Variants in ARHGAP24 observed in about 807,000 individuals in gnomAD.
ARHGAP24 encodes the protein rho GTPase-activating protein 24.
In ARHGAP24, 50 loss-of-function variants were observed where a neutral mutation model predicts 76.4. That is an observed-to-expected ratio of 0.65 (90% CI 0.52 to 0.83). The LOEUF is 0.83. ARHGAP24 is among the 40% of genes least tolerant of loss of function. The pLI, the probability that ARHGAP24 is intolerant of heterozygous loss-of-function variation, is 0.00. For missense variants in ARHGAP24, 930 were observed against 914.2 expected, an observed-to-expected ratio of 1.02 and a Z score of -0.22; for synonymous variants, 345 against 323.3, an observed-to-expected ratio of 1.07 and a Z score of -0.72.
intron 3 of ARHGAP24, among the ~76,000 whole-genome samples, chr4:85,861,707 T>A (rs1219702760): frequency 6.6e-6 from 1 of 152,088 alleles, no homozygotes. Context: ...ACTTTATTAT[T>A]TTCTTCCTTT....
chr4:85,849,906 ACT>A (rs1420635643), intron 3 of ARHGAP24, among the ~76,000 whole-genome samples: 1 of 151,294 alleles, frequency 6.6e-6, no homozygotes, highest in East Asian at 1.9e-4. Context: ...GGTCTAAAAT[ACT>A]CTTTTTTTCT....
At chr4:85,925,695 C>A (rs186969) in intron 4 of ARHGAP24, among the ~76,000 whole-genome samples, 1 of 151,868 alleles carries the variant, frequency 6.6e-6, no homozygotes, top group Non-Finnish European at 1.5e-5. Flanking sequence ...TGTATGTATA[C>A]GAAAAATATA....
intron 2 of ARHGAP24, among the ~76,000 whole-genome samples, chr4:85,620,719 G>C (rs1720689250): frequency 6.6e-6 from 1 of 151,240 alleles, no homozygotes; most frequent in Non-Finnish European, 1.5e-5. Context: ...TCTTTTTCTA[G>C]TTCATTAAGG....
chr4:85,860,442 A>T lies in ARHGAP24; in HGVS notation c.269-63206A>T, dbSNP rs140262715. Among the ~76,000 whole-genome samples, 560 of 152,258 alleles carry T rather than the reference A, an allele frequency of 3.7e-3. 2 individuals carry two copies. The highest frequency in any genetic ancestry group is 0.013 in the African/African-American group (524 of 41,568). Reference sequence around the variant, plus strand: ...TTCATTACGGTTTAATATTAAACCTATCAGCCCCTTTAGGATCCATATGGC... The same window carrying T: ...TTCATTACGGTTTAATATTAAACCTTTCAGCCCCTTTAGGATCCATATGGC... On this transcript the variant is annotated intron_variant, in intron 3 of 9. Transcript: ENST00000395184.
intron 3 of ARHGAP24, among the ~76,000 whole-genome samples, chr4:85,912,494 T>C (rs1394049628): frequency 6.6e-6 from 1 of 152,232 alleles, no homozygotes; most frequent in Non-Finnish European, 1.5e-5. Flanking sequence ...TTCTTATTTT[T>C]ACACTACTAC....
chr4:85,683,109 T>TGG (rs1205882687), intron 2 of ARHGAP24, among the ~76,000 whole-genome samples: 505 of 17,444 alleles, frequency 0.029, 8 homozygotes, highest in African/African-American at 0.081. Flanking sequence ...TCTCAGTGTG[T>TGG]GGGGGGGTGG....
intron 4 of ARHGAP24, among the ~76,000 whole-genome samples, chr4:85,931,215 T>G (rs1736313177): frequency 6.6e-6 from 1 of 152,122 alleles, no homozygotes; most frequent in South Asian, 2.1e-4. Flanking sequence ...TGAGGTTCAT[T>G]TAAATGTGTA....
chr4:85,732,272 T>A (rs1362552394), intron 3 of ARHGAP24, among the ~76,000 whole-genome samples: 1 of 151,830 alleles, frequency 6.6e-6, no homozygotes, highest in Non-Finnish European at 1.5e-5. Flanking sequence ...GAAAAACCAA[T>A]AGGTTAGAAA....
intron 8 of ARHGAP24, among the ~76,000 whole-genome samples, chr4:85,986,114 A>C (rs1337977994): frequency 2.0e-5 from 3 of 152,136 alleles, no homozygotes; most frequent in Non-Finnish European, 4.4e-5. Context: ...TTATTTTTTA[A>C]ATACTGTCTT....
chr4:85,560,572 T>C (rs1207991228), intron 1 of ARHGAP24, among the ~76,000 whole-genome samples: 1 of 152,232 alleles, frequency 6.6e-6, no homozygotes, highest in Non-Finnish European at 1.5e-5. Flanking sequence ...GATTTTGTAG[T>C]GTTTCTTCAT....
At chr4:85,612,434 ACT>A (rs1553917840) in intron 2 of ARHGAP24, among the ~76,000 whole-genome samples, 1 of 94,036 alleles carries the variant, frequency 1.1e-5, no homozygotes, top group Non-Finnish European at 2.5e-5. Flanking sequence ...ACAGAGCAAG[ACT>A]CTGTTTCAAA....
chr4:85,539,303 T>A (rs924979739), intron 1 of ARHGAP24, among the ~76,000 whole-genome samples: 1 of 152,132 alleles, frequency 6.6e-6, no homozygotes, highest in African/African-American at 2.4e-5. Context: ...AAAGGTAACA[T>A]AAAGAGATGT....
intron 2 of ARHGAP24, among the ~76,000 whole-genome samples, chr4:85,662,306 A>G (rs964610385): frequency 4.6e-5 from 7 of 151,754 alleles, no homozygotes; most frequent in Non-Finnish European, 8.8e-5. Flanking sequence ...TTGGCTGCAT[A>G]AATGTCTTCT....
At chr4:85,543,231 C>T (rs928532342) in intron 1 of ARHGAP24, among the ~76,000 whole-genome samples, 6 of 152,168 alleles carry the variant, frequency 3.9e-5, no homozygotes, top group Admixed American at 2.6e-4. Context: ...ATGGCATGCT[C>T]TGCATTTGGC....
chr4:85,975,165 T>G (rs1038519347), intron 7 of ARHGAP24, among the ~76,000 whole-genome samples: 1 of 152,230 alleles, frequency 6.6e-6, no homozygotes, highest in African/African-American at 2.4e-5. Context: ...TTTTTGAAGT[T>G]TCTCTTGCCT....
chr4:85,610,540 CAA>C (rs2109995405), intron 2 of ARHGAP24, among the ~76,000 whole-genome samples: 1 of 93,692 alleles, frequency 1.1e-5, no homozygotes, highest in South Asian at 2.7e-4. Context: ...TCAGAATCAC[CAA>C]CAGAAATAGA....
At chr4:85,849,818 AGCTTTTTGATGT>A (rs1403904767) in intron 3 of ARHGAP24, among the ~76,000 whole-genome samples, 16 of 152,072 alleles carry the variant, frequency 1.1e-4, no homozygotes, top group Admixed American at 6.6e-4. Flanking sequence ...TTGGTGGAGA[AGCTTTTTGATGT>A]GCTGCTGGAT....
At chr4:85,922,839 A>G (rs1735803920) in intron 3 of ARHGAP24, among the ~76,000 whole-genome samples, 2 of 152,228 alleles carry the variant, frequency 1.3e-5, no homozygotes. Context: ...AAGAAATTAA[A>G]TTACATGCTT....
chr4:85,578,310 G>A (rs1047083082), intron 2 of ARHGAP24, among the ~76,000 whole-genome samples: 3 of 152,134 alleles, frequency 2.0e-5, no homozygotes, highest in Non-Finnish European at 2.9e-5. Flanking sequence ...TCCTCAGGTC[G>A]CTTTTGACTG....
Sources: gnomAD v4.1 joint callset for allele counts (sites outside exome capture counted in the v4.1 genomes callset) on GRCh38, gnomAD v4.1.1 for gene constraint, MANE v1.5 for transcripts, NCBI Gene and HGNC (gene_info 2026-07-23, HGNC 2026-07-21) for gene names.